STARD10: variants seen among roughly 807,000 people sequenced by gnomAD.
STARD10 encodes the protein StAR related lipid transfer domain containing 10, also known as START domain-containing protein 10.
STARD10 carries 24 observed loss-of-function variants against 36.0 expected under a neutral mutation model. The ratio of observed to expected loss-of-function variants is 0.67; its 90% CI spans 0.48 to 0.94. The LOEUF is 0.94. Among genes scored for constraint, STARD10 ranks in the 40% least tolerant of loss-of-function variants. STARD10 has a pLI of 0.00. For missense variants in STARD10, 335 were observed against 396.6 expected (o/e 0.84, Z 1.32); for synonymous variants, 156 against 161.9 (o/e 0.96, Z 0.28).
chr11:72,756,402 C>T (rs1475428278), intron 5 of STARD10, among the ~76,000 whole-genome samples: 6 of 152,116 alleles, frequency 3.9e-5, no homozygotes, highest in African/African-American at 1.4e-4. Context: ...CTCACTCACT[C>T]ACTCCATGTT....
intron 2 of STARD10, among the ~76,000 whole-genome samples, chr11:72,773,617 G>A (rs1223917326): frequency 6.6e-6 from 1 of 152,192 alleles, no homozygotes; most frequent in South Asian, 2.1e-4. Flanking sequence ...GCTGTCACGT[G>A]GGTAGGAAGG....
rs553192084 is a variant in STARD10, at chr11:72,769,829, G to A, written c.208-10448C>T. On this transcript the variant is annotated intron_variant, in intron 2 of 6. Coordinates refer to ENST00000334805, the MANE Select transcript of STARD10 (RefSeq NM_006645.3). ...AGCAGCAGCCCCAGTTCGGGTAAGA[G>A]TGACATCACCCTAATGATGACGCAC... is the stretch of plus-strand genomic sequence containing the variant. 8.5e-5 allele frequency among the ~76,000 whole-genome samples: 13 copies of A among 152,338 alleles called. No homozygotes were observed. The South Asian group carries it at 2.1e-3, about 24-fold the overall frequency.
At chr11:72,762,406 A>G (rs958586069) in intron 2 of STARD10, among the ~76,000 whole-genome samples, 1 of 152,090 alleles carries the variant, frequency 6.6e-6, no homozygotes, top group African/African-American at 2.4e-5. Context: ...TGGCCCCATT[A>G]TAGGATTAAG....
chr11:72,755,119 C>A lies in STARD10; in HGVS notation c.654G>T (p.Ala218=), dbSNP rs761821853. Residue 218 remains alanine, a synonymous_variant, in exon 7 of 7, where the codon GCG becomes GCT. Transcript: ENST00000334805. ...GTTTCCACTCGGGGTACTTGAGGCA[C>A]GCCTTGTACATCTTCTTCATGGCCT... ...APKAMKKMYK[A]CLKYPEWKQK... is the part of the protein sequence containing the mutation. 3.1e-6 allele frequency: 5 copies of A among 1,613,226 alleles called. No individual in the cohort carries two copies. Among genetic ancestry groups the A allele is most frequent in the Non-Finnish European group, 4.2e-6 (5 of 1,179,700 alleles).
At chr11:72,755,537 C>T (rs1000024933) in intron 6 of STARD10, 164 bp downstream of exon 6, 1 of 786,520 alleles carries the variant, frequency 1.3e-6, no homozygotes, top group Non-Finnish European at 2.2e-6. Context: ...TCTTGAACTC[C>T]CGACCTCAGG....
intron 2 of STARD10, among the ~76,000 whole-genome samples, chr11:72,759,679 CTA>C (rs199869525): frequency 0.011 from 1,664 of 152,286 alleles, 15 homozygotes; most frequent in Non-Finnish European, 0.016. Context: ...CAATGCATCT[CTA>C]TGTCTGTGCC....
In STARD10 at chr11:72,759,290, A is replaced by G. The variant is rs768152022; in HGVS notation, c.299T>C (p.Ile100Thr). Residue 100 changes from isoleucine to threonine, a missense_variant, in exon 3 of 7, where the codon ATT becomes ACT. Transcript: ENST00000334805. ...EYRKKWDSNV[I>T]ETFDIARLTV... The stretch of plus-strand genomic sequence containing the variant: ...CAAGCGGGCGATGTCAAAAGTCTCA[A>G]TGACGTTGCTGTCCCATTTCTTGCG... 1.1e-5 allele frequency: 18 copies of G among 1,614,162 alleles called. No individual in the cohort carries two copies. Among genetic ancestry groups the G allele is most frequent in the East Asian group, 2.2e-5 (1 of 44,890 alleles).
chr11:72,781,363 C>G lies in STARD10; in HGVS notation c.-113-69G>C. On this transcript the variant is annotated intron_variant, in intron 1 of 6. Coordinates refer to ENST00000334805, the MANE Select transcript of STARD10 (RefSeq NM_006645.3). The surrounding 1 kb of genome is among the most constrained non-coding windows in gnomAD (Gnocchi z 4.7). Reference sequence around the variant, plus strand: ...CGGGTGGGGCTGTTCGGGGTCCTGGCGGGTGGGGAGCTGGAGAGAGGTAGG... The same window carrying G: ...CGGGTGGGGCTGTTCGGGGTCCTGGGGGGTGGGGAGCTGGAGAGAGGTAGG... The G allele has an allele frequency of 1.7e-6, 1 of 601,370 alleles. No individual in the cohort carries two copies. The highest frequency in any genetic ancestry group is 2.9e-6 in the Non-Finnish European group (1 of 339,346). 37.3% of individuals were successfully genotyped at this position (601,370 alleles called of 1,614,324 possible). A position where few individuals can be genotyped will look rare whatever the true frequency, so the allele number is the denominator to read the frequency against.
At chr11:72,759,544 A>G (rs532745934) in intron 2 of STARD10, among the ~76,000 whole-genome samples, 163 bp from the exon 3 acceptor site, 1 of 152,274 alleles carries the variant, frequency 6.6e-6, no homozygotes, top group South Asian at 2.1e-4. Context: ...AGCCCTGTCC[A>G]GCTCCCCAAA....
At chr11:72,768,536 C>T (rs1858820501) in intron 2 of STARD10, among the ~76,000 whole-genome samples, 1 of 152,246 alleles carries the variant, frequency 6.6e-6, no homozygotes, top group Non-Finnish European at 1.5e-5. Context: ...CTGCTCAGTG[C>T]TGTCATGAGG....
chr11:72,766,845 A>C (rs553834068), intron 2 of STARD10, among the ~76,000 whole-genome samples: 1 of 152,292 alleles, frequency 6.6e-6, no homozygotes, highest in African/African-American at 2.4e-5. Context: ...AGGTGGACCT[A>C]AGGCTAATCC....
chr11:72,757,285 G>A (rs983312052), intron 5 of STARD10, among the ~76,000 whole-genome samples: 19 of 152,174 alleles, frequency 1.2e-4, no homozygotes, highest in African/African-American at 1.9e-4. Context: ...GAAAGATGGC[G>A]AGTTCCCCAC....
At chr11:72,779,273 T>C (rs1432376263) in intron 2 of STARD10, among the ~76,000 whole-genome samples, 1 of 152,212 alleles carries the variant, frequency 6.6e-6, no homozygotes, top group Non-Finnish European at 1.5e-5. Context: ...TCCTTGGTTC[T>C]TTCCTCCCCC....
intron 2 of STARD10, among the ~76,000 whole-genome samples, chr11:72,775,345 C>A (rs1858916821): frequency 6.6e-6 from 1 of 152,180 alleles, no homozygotes. Context: ...ACCAGTCTCC[C>A]TGTCTAAAAC....
At chr11:72,764,784 C>G (rs796567524) in intron 2 of STARD10, among the ~76,000 whole-genome samples, 166 of 152,318 alleles carry the variant, frequency 1.1e-3, no homozygotes, top group African/African-American at 3.6e-3. Context: ...TAGGCCCTGG[C>G]TGAGTGAGTG....
rs369782971 is a variant in STARD10, at chr11:72,755,101, C to T, written c.672G>A (p.Glu224=). Residue 224 remains glutamate (E), a synonymous_variant, in exon 7 of 7, where the codon GAG becomes GAA. Transcript: ENST00000334805. The stretch of plus-strand genomic sequence containing the variant: ...AGTGAGGCAGGTGCTTCTGTTTCCA[C>T]TCGGGGTACTTGAGGCACGCCTTGT... ...KMYKACLKYP[E]WKQKHLPHFK... 6.1e-5 allele frequency: 98 copies of T among 1,613,390 alleles called. No individual in the cohort carries two copies. The highest frequency in any genetic ancestry group is 8.1e-5 in the Non-Finnish European group (96 of 1,179,798).
intron 2 of STARD10, among the ~76,000 whole-genome samples, chr11:72,764,812 C>T (rs757867580): frequency 6.6e-6 from 1 of 152,166 alleles, no homozygotes; most frequent in Admixed American, 6.5e-5. Flanking sequence ...CAGATGTTGC[C>T]GTCAGGTGTT....
intron 1 of STARD10, among the ~76,000 whole-genome samples, chr11:72,792,289 A>G (rs936909467): frequency 4.6e-5 from 7 of 151,940 alleles, no homozygotes; most frequent in African/African-American, 1.7e-4. Context: ...CCCCAACCTC[A>G]GGTGATCCGC....
intron 5 of STARD10, among the ~76,000 whole-genome samples, chr11:72,756,846 A>G (rs928493606): frequency 6.6e-6 from 1 of 152,156 alleles, no homozygotes; most frequent in Non-Finnish European, 1.5e-5. Context: ...GGCAGAATCA[A>G]TAAGAATCAG....
Sources: allele counts gnomAD v4.1 joint callset (sites outside exome capture counted in the v4.1 genomes callset), GRCh38; gene constraint gnomAD v4.1.1; non-coding constraint Gnocchi (gnomAD v3.1); transcripts MANE v1.5; gene names NCBI Gene and HGNC (gene_info 2026-07-23, HGNC 2026-07-21).